GATAD2B: variants seen among roughly 807,000 people sequenced by gnomAD.
GATAD2B encodes the protein GATA zinc finger domain containing 2B, also known as transcriptional repressor p66-beta.
Under a neutral mutation model 64.3 loss-of-function variants are expected in GATAD2B, and 8 were observed. The observed-to-expected ratio is 0.12, with a 90% CI of 0.07 to 0.22. The LOEUF is 0.22. Among genes scored for constraint, GATAD2B ranks in the 10% least tolerant of loss-of-function variants. The probability of loss-of-function intolerance (pLI) is 1.00; values close to 1 mark genes in which losing one functional copy is unlikely to be tolerated. For synonymous variants in GATAD2B, 281 were observed against 271.3 expected (o/e 1.04, Z -0.35); for missense variants, 453 against 752.0 (o/e 0.60, Z 4.65).
chr1:153,866,417 T>A (rs1676476763), intron 1 of GATAD2B, among the ~76,000 whole-genome samples: 1 of 152,156 alleles, frequency 6.6e-6, no homozygotes, highest in Non-Finnish European at 1.5e-5. Context: ...TACTTACAAC[T>A]GTACAGGTGA....
chr1:153,836,061 TTG>T (rs1465648838), intron 1 of GATAD2B, among the ~76,000 whole-genome samples: 2 of 151,668 alleles, frequency 1.3e-5, no homozygotes, highest in Non-Finnish European at 2.9e-5. Flanking sequence ...ACCAAAAAAT[TTG>T]TGTGACTTGC....
chr1:153,873,400 C>T (rs972122010), intron 1 of GATAD2B, among the ~76,000 whole-genome samples: 2 of 152,176 alleles, frequency 1.3e-5, no homozygotes, highest in Non-Finnish European at 2.9e-5. Flanking sequence ...CCAATGCAGG[C>T]GTGTTAAGAG....
chr1:153,893,966 A>T (rs1279190123), intron 1 of GATAD2B, among the ~76,000 whole-genome samples: 4 of 148,564 alleles, frequency 2.7e-5, no homozygotes, highest in African/African-American at 1.0e-4. Context: ...AAAAAAAAAA[A>T]AAAAAAAAAA....
rs1674973625 is a variant in GATAD2B, at chr1:153,828,674, C to G, written c.-1-326G>C. The stretch of plus-strand genomic sequence containing the variant: ...ATTGAAAATCTTTTTTTTTTTTTGG[C>G]TTTTATTTTATGTTCAAGGGTACAT... On this transcript the variant is annotated intron_variant, in intron 1 of 10. Transcript: ENST00000368655. 2.0e-5 allele frequency among the ~76,000 whole-genome samples: 3 copies of G among 146,512 alleles called. No individual in the cohort carries two copies. In the South Asian group the frequency reaches 6.4e-4, roughly 31 times the overall value.
chr1:153,855,026 TG>T (rs1363617930), intron 1 of GATAD2B, among the ~76,000 whole-genome samples: 1 of 152,190 alleles, frequency 6.6e-6, no homozygotes, highest in Non-Finnish European at 1.5e-5. Context: ...TCAAATATAA[TG>T]TATAATCTTT....
intron 1 of GATAD2B, among the ~76,000 whole-genome samples, chr1:153,843,717 G>C (rs1013579937): frequency 6.7e-6 from 1 of 148,880 alleles, no homozygotes; most frequent in South Asian, 2.2e-4. Context: ...TCAATTTGTT[G>C]ATGTTAAAAC....
At chr1:153,915,124 G>A (rs1162223036) in intron 1 of GATAD2B, among the ~76,000 whole-genome samples, 1 of 152,192 alleles carries the variant, frequency 6.6e-6, no homozygotes, top group Non-Finnish European at 1.5e-5. Context: ...TCAGGAAGCT[G>A]AGGCGGGAGG....
intron 1 of GATAD2B, among the ~76,000 whole-genome samples, chr1:153,847,086 C>T (rs1675713056): frequency 6.6e-6 from 1 of 152,100 alleles, no homozygotes; most frequent in Non-Finnish European, 1.5e-5. Context: ...TGTGCCTCAG[C>T]CTCCCAAGTA....
At chr1:153,877,410 A>G (rs1012040294) in intron 1 of GATAD2B, among the ~76,000 whole-genome samples, 8 of 151,196 alleles carry the variant, frequency 5.3e-5, no homozygotes, top group African/African-American at 1.9e-4. Context: ...CTTCAAAATT[A>G]CTCTTCAGCC....
intron 1 of GATAD2B, among the ~76,000 whole-genome samples, chr1:153,871,618 T>G (rs1241238350): frequency 6.6e-6 from 1 of 152,058 alleles, no homozygotes; most frequent in East Asian, 1.9e-4. Context: ...ACTACAGGTA[T>G]GCACTGCTAA....
At chr1:153,905,309 G>A (rs928878194) in intron 1 of GATAD2B, among the ~76,000 whole-genome samples, 6 of 151,886 alleles carry the variant, frequency 4.0e-5, no homozygotes, top group African/African-American at 9.7e-5. Context: ...CCCGGGAGGT[G>A]GAGGTTGCAG....
intron 1 of GATAD2B, among the ~76,000 whole-genome samples, chr1:153,871,513 C>G (rs1242183370): frequency 6.6e-6 from 1 of 152,074 alleles, no homozygotes; most frequent in Non-Finnish European, 1.5e-5. Context: ...GAGAAAGAGG[C>G]ATTTTTAACA....
intron 1 of GATAD2B, among the ~76,000 whole-genome samples, chr1:153,828,961 T>C (rs963717326): frequency 6.6e-6 from 1 of 152,158 alleles, no homozygotes; most frequent in Non-Finnish European, 1.5e-5. Context: ...TGTCAGCTCC[T>C]CCAGAGGCTG....
intron 1 of GATAD2B, among the ~76,000 whole-genome samples, chr1:153,844,421 T>TAAAAAA (rs764420139): frequency 1.2e-5 from 1 of 80,280 alleles, no homozygotes; most frequent in Non-Finnish European, 2.7e-5. Flanking sequence ...TAACAAATTA[T>TAAAAAA]AAAAAAAAAA....
chr1:153,845,256 T>C (rs1241167653), intron 1 of GATAD2B, among the ~76,000 whole-genome samples: 1 of 152,010 alleles, frequency 6.6e-6, no homozygotes, highest in Non-Finnish European at 1.5e-5. Context: ...TACGGTCAAT[T>C]GATTTTTCAA....
intron 1 of GATAD2B, among the ~76,000 whole-genome samples, chr1:153,837,050 T>C (rs1675292207): frequency 6.6e-6 from 1 of 152,198 alleles, no homozygotes; most frequent in South Asian, 2.1e-4. Flanking sequence ...TCTATAAACC[T>C]CAACTTTATG....
intron 1 of GATAD2B, among the ~76,000 whole-genome samples, chr1:153,862,275 G>C (rs553518930): frequency 4.1e-4 from 62 of 151,264 alleles, no homozygotes; most frequent in African/African-American, 1.5e-3. Context: ...GGCTCATGCC[G>C]TCACACCCAG....
intron 1 of GATAD2B, among the ~76,000 whole-genome samples, chr1:153,842,460 T>G (rs534608379): frequency 6.6e-6 from 1 of 152,318 alleles, no homozygotes; most frequent in South Asian, 2.1e-4. Context: ...CTCTCAACCC[T>G]TTCTCGCCCT....
intron 7 of GATAD2B, among the ~76,000 whole-genome samples, chr1:153,815,470 A>G (rs1327144581): frequency 6.6e-6 from 1 of 151,754 alleles, no homozygotes; most frequent in Non-Finnish European, 1.5e-5. Flanking sequence ...TTTTTTTACT[A>G]ATGTTATAAT....
Sources: gnomAD v4.1 joint callset for allele counts (sites outside exome capture counted in the v4.1 genomes callset) on GRCh38, gnomAD v4.1.1 for gene constraint, MANE v1.5 for transcripts, NCBI Gene and HGNC (gene_info 2026-07-23, HGNC 2026-07-21) for gene names.